Variants in ETV6 observed in about 807,000 individuals in gnomAD.
ETV6 encodes the protein ETS variant transcription factor 6.
A neutral mutation model predicts 51.1 loss-of-function variants in ETV6; 16 were observed. The ratio of observed to expected loss-of-function variants is 0.31; its 90% CI spans 0.21 to 0.48. The LOEUF (loss-of-function observed/expected upper bound fraction) is 0.48. Among genes scored for constraint, ETV6 ranks in the 20% least tolerant of loss-of-function variants. The pLI is 0.99. For missense variants in ETV6, 458 were observed against 594.8 expected (o/e 0.77, Z 2.39); for synonymous variants, 240 against 224.1 (o/e 1.07, Z -0.64).
intron 2 of ETV6, among the ~76,000 whole-genome samples, chr12:11,823,809 C>T (rs1160057462): frequency 6.6e-6 from 1 of 151,996 alleles, no homozygotes; most frequent in Admixed American, 6.6e-5. Flanking sequence ...TAGAATCGTT[C>T]CTTAGTTCTT....
At chr12:11,749,552 A>G (rs1188678919) in intron 1 of ETV6, among the ~76,000 whole-genome samples, 2 of 152,226 alleles carry the variant, frequency 1.3e-5, no homozygotes, top group African/African-American at 4.8e-5. Flanking sequence ...AGATGTCTCC[A>G]TCTGAGATAG....
intron 2 of ETV6, among the ~76,000 whole-genome samples, chr12:11,761,222 T>C (rs1283064769): frequency 6.6e-6 from 1 of 152,214 alleles, no homozygotes; most frequent in African/African-American, 2.4e-5. Context: ...GGCTGATTTT[T>C]TTTTCCAATT....
intron 3 of ETV6, among the ~76,000 whole-genome samples, chr12:11,845,551 T>C (rs1412889826): frequency 6.6e-6 from 1 of 152,228 alleles, no homozygotes; most frequent in Non-Finnish European, 1.5e-5. Flanking sequence ...AGGGTCTCTG[T>C]GTATAAGACA....
intron 2 of ETV6, among the ~76,000 whole-genome samples, chr12:11,814,838 T>A (rs182734809): frequency 2.6e-5 from 4 of 152,332 alleles, no homozygotes; most frequent in Admixed American, 2.6e-4. Flanking sequence ...GTGAGCAGAA[T>A]GCCCCTCTTT....
At chr12:11,808,901 C>T (rs916098413) in intron 2 of ETV6, among the ~76,000 whole-genome samples, 13 of 152,144 alleles carry the variant, frequency 8.5e-5, no homozygotes, top group Admixed American at 1.3e-4. Flanking sequence ...TGGTGGCTCA[C>T]ACCTGTAATC....
intron 5 of ETV6, among the ~76,000 whole-genome samples, chr12:11,875,797 A>G: frequency 6.6e-6 from 1 of 152,176 alleles, no homozygotes; most frequent in South Asian, 2.1e-4. Context: ...TCCAGCCACC[A>G]TGCGTTTTTT....
chr12:11,656,872 A>AT lies in ETV6; in HGVS notation c.33+6717dup, dbSNP rs538410476. ...CTTTTCACACAATCCATAAACACAA[A>AT]TTTTTGTTTTTCTTAAACCATCTCT... On this transcript the variant is annotated intron_variant, in intron 1 of 7. Coordinates refer to ENST00000396373, the MANE Select transcript of ETV6 (RefSeq NM_001987.5). 5.2e-3 allele frequency among the ~76,000 whole-genome samples: 786 copies of AT among 151,884 alleles called. 8 individuals carry two copies. Among genetic ancestry groups the AT allele is most frequent in the Non-Finnish European group, 7.0e-3 (479 of 67,952 alleles).
intron 2 of ETV6, among the ~76,000 whole-genome samples, chr12:11,828,554 A>C (rs1816976845): frequency 6.6e-6 from 1 of 152,180 alleles, no homozygotes; most frequent in Admixed American, 6.5e-5. Context: ...ATTTGCATAC[A>C]CGAGACTAAA....
At chr12:11,827,582 C>G (rs1946176870) in intron 2 of ETV6, among the ~76,000 whole-genome samples, 1 of 152,128 alleles carries the variant, frequency 6.6e-6, no homozygotes, top group Admixed American at 6.5e-5. Context: ...CCACCTCCTC[C>G]TCCTGGAATT....
intron 4 of ETV6, among the ~76,000 whole-genome samples, chr12:11,865,060 G>A (rs936825210): frequency 1.3e-4 from 20 of 152,140 alleles, no homozygotes; most frequent in Non-Finnish European, 2.1e-4. Flanking sequence ...GACCATCCTG[G>A]CTAACATGGT....
At chr12:11,720,602 A>G (rs1322844271) in intron 1 of ETV6, among the ~76,000 whole-genome samples, 2 of 152,210 alleles carry the variant, frequency 1.3e-5, no homozygotes, top group Non-Finnish European at 2.9e-5. Flanking sequence ...ATCGAAATCT[A>G]AGACCTCAAA....
intron 1 of ETV6, among the ~76,000 whole-genome samples, chr12:11,707,614 A>G (rs2120866453): frequency 6.6e-6 from 1 of 152,352 alleles, no homozygotes; most frequent in South Asian, 2.1e-4. Context: ...TATGGAAAGA[A>G]TGATTTTCTT....
At chr12:11,692,478 C>T (rs1489102630) in intron 1 of ETV6, among the ~76,000 whole-genome samples, 1 of 152,158 alleles carries the variant, frequency 6.6e-6, no homozygotes, top group African/African-American at 2.4e-5. Context: ...CTTCCCAGCC[C>T]CACAGTGCTT....
intron 2 of ETV6, among the ~76,000 whole-genome samples, chr12:11,794,249 G>T (rs1189001241): frequency 6.6e-6 from 1 of 152,168 alleles, no homozygotes; most frequent in Non-Finnish European, 1.5e-5. Context: ...ACTTAAAATA[G>T]CTCTTGGAAC....
At chr12:11,743,924 G>A (rs945435653) in intron 1 of ETV6, among the ~76,000 whole-genome samples, 11 of 152,214 alleles carry the variant, frequency 7.2e-5, no homozygotes, top group Admixed American at 1.3e-4. Context: ...AAGGGTTTAC[G>A]AAGAGGCAAA....
intron 2 of ETV6, among the ~76,000 whole-genome samples, chr12:11,758,182 G>A (rs1945034091): frequency 6.6e-6 from 1 of 152,192 alleles, no homozygotes; most frequent in African/African-American, 2.4e-5. Flanking sequence ...GAATTTCAGG[G>A]TTGGCTCTAT....
At position 11,874,640 on chromosome 12, in the gene ETV6, G is replaced by A. The variant is rs974845371; in HGVS notation, c.1009+4671G>A. Among the ~76,000 whole-genome samples, 21 of 5,696 alleles carry A rather than the reference G, an allele frequency of 3.7e-3. 9 individuals carry two copies. The highest frequency in any genetic ancestry group is 3.5e-3 in the African/African-American group (13 of 3,666). 3.7% of individuals were successfully genotyped at this position (5,696 alleles called of 152,430 possible). A position where few individuals can be genotyped will look rare whatever the true frequency, so the allele number is the denominator to read the frequency against. On this transcript the variant is annotated intron_variant, in intron 5 of 7. Coordinates refer to ENST00000396373, the MANE Select transcript of ETV6 (RefSeq NM_001987.5). ...TACACACATATGTGTATGTGTGTGT[G>A]TATATACACATATGTGTGTATATGT...
intron 2 of ETV6, among the ~76,000 whole-genome samples, chr12:11,768,676 C>T (rs1256325708): frequency 6.6e-6 from 1 of 152,218 alleles, no homozygotes; most frequent in African/African-American, 2.4e-5. Context: ...TGCAACTTTC[C>T]GTTGTGGAAA....
intron 1 of ETV6, among the ~76,000 whole-genome samples, chr12:11,696,210 T>C (rs572996088): frequency 1.3e-5 from 2 of 152,320 alleles, no homozygotes; most frequent in Admixed American, 6.5e-5. Context: ...GTCTCTGATA[T>C]TGATTTTTAC....
Sources: gnomAD v4.1 joint callset for allele counts (sites outside exome capture counted in the v4.1 genomes callset) on GRCh38, gnomAD v4.1.1 for gene constraint, MANE v1.5 for transcripts, NCBI Gene and HGNC (gene_info 2026-07-23, HGNC 2026-07-21) for gene names.